The following LAPTM4B variants were observed in gnomAD, a reference collection of about 807,000 sequenced individuals.
LAPTM4B encodes the protein lysosomal protein transmembrane 4 beta.
LAPTM4B carries 26 observed loss-of-function variants against 28.5 expected under a neutral mutation model. That is an observed-to-expected ratio of 0.91 (90% CI 0.67 to 1.27). LAPTM4B has a LOEUF of 1.27. Ranked by LOEUF, LAPTM4B falls within the 50% of genes most tolerant of loss-of-function variation. LAPTM4B has a pLI of 0.00. For missense variants in LAPTM4B, 288 were observed against 285.8 expected, an observed-to-expected ratio of 1.01 and a Z score of -0.06; for synonymous variants, 109 against 106.4, an observed-to-expected ratio of 1.02 and a Z score of -0.15.
At chr8:97,819,093 C>G (rs1229206673) in intron 4 of LAPTM4B, 47 bp from the exon 5 acceptor site, 2 of 1,157,314 alleles carry the variant, frequency 1.7e-6, no homozygotes, top group Non-Finnish European at 1.3e-6. Flanking sequence ...GGAATACTGT[C>G]TGGAATGATT....
Position 97,805,422 on chromosome 8 carries a change from A to G in LAPTM4B, c.169A>G (p.Ser57Gly). 4 of 1,611,514 alleles carry G rather than the reference A, an allele frequency of 2.5e-6. No homozygotes were observed. Among genetic ancestry groups the G allele is most frequent in the East Asian group, 2.2e-5 (1 of 44,798 alleles). The change falls in exon 2 of 7, where the codon AGT becomes GGT. Residue 57 changes from serine (S) to glycine (G), a missense_variant. Physicochemically the swap from Ser to Gly is moderately conservative, Grantham distance 56. Coordinates refer to ENST00000521545, the MANE Select transcript of LAPTM4B (RefSeq NM_018407.6). ...TGATCCGGATCAGTATAACTTTTCA[A>G]GTTCTGAACTGGGAGGTGACTTTGA... ...LADPDQYNFSSSELGGDFEFM... is the reference protein window; with the variant it reads ...LADPDQYNFSGSELGGDFEFM...
At chr8:97,804,508 G>A (rs1183055779) in intron 1 of LAPTM4B, among the ~76,000 whole-genome samples, 1 of 152,144 alleles carries the variant, frequency 6.6e-6, no homozygotes, top group African/African-American at 2.4e-5. Flanking sequence ...GTAGTTGTTT[G>A]TTCCTGGGCA....
At position 97,812,219 on chromosome 8, in the gene LAPTM4B, TG is replaced by T. The variant is rs1238108847; in HGVS notation, c.212-3108del. ...AATTAATTATTTGTTTTTTTTTTGT[TG>T]TTTTTTGTTTTTTTTTTGAGTCGGA... On this transcript the variant is annotated intron_variant, in intron 2 of 6. Transcript: ENST00000521545. 5.0e-3 allele frequency among the ~76,000 whole-genome samples: 231 copies of T among 46,072 alleles called. 8 individuals carry two copies. The highest frequency in any genetic ancestry group is 0.013 in the Non-Finnish European group (124 of 9,696). The allele number at this position is 46,072 out of a possible 152,430, so 30.2% of individuals were successfully genotyped here.
Position 97,775,937 on chromosome 8 carries a change from C to CTGCGGGCTCCAGGCGA in LAPTM4B, c.-73_-72insTGCGGGCTCCAGGCGA. 1 of 1,451,680 alleles carries CTGCGGGCTCCAGGCGA rather than the reference C, an allele frequency of 6.9e-7. No individual in the cohort carries two copies. 89.9% of individuals were successfully genotyped at this position (1,451,680 alleles called of 1,614,324 possible). ...GGCGGAGGAGCCGGCAGCAGCGGCG[C>CTGCGGGCTCCAGGCGA]GGCGGGCTCCAGGCGAGGCGGTCGA... is the stretch of plus-strand genomic sequence containing the variant. On this transcript the variant is annotated 5_prime_UTR_variant, in exon 1 of 7. Transcript: ENST00000521545.
At position 97,836,210 on chromosome 8, in the gene LAPTM4B, T is replaced by C. The variant is rs1817258120; in HGVS notation, c.603+11057T>C. On this transcript the variant is annotated intron_variant, in intron 6 of 6. Coordinates refer to ENST00000521545, the MANE Select transcript of LAPTM4B (RefSeq NM_018407.6). ...GTTTTGTTTTGTTTTGTTTTTTGAG[T>C]CTCGCTCTGTCAGGCTGGAATACAT... 1.3e-5 allele frequency among the ~76,000 whole-genome samples: 2 copies of C among 152,148 alleles called. 1 individual carries two copies. The highest frequency in any genetic ancestry group is 2.9e-5 in the Non-Finnish European group (2 of 68,036).
intron 1 of LAPTM4B, among the ~76,000 whole-genome samples, chr8:97,802,760 G>C (rs932308964): frequency 1.3e-5 from 2 of 151,998 alleles, no homozygotes; most frequent in Admixed American, 6.6e-5. Flanking sequence ...GTACAGTTCA[G>C]GTGTTTGGTT....
At chr8:97,814,973 T>C (rs554698730) in intron 2 of LAPTM4B, among the ~76,000 whole-genome samples, 4 of 152,204 alleles carry the variant, frequency 2.6e-5, no homozygotes, top group African/African-American at 9.7e-5. Context: ...ATTATAGGTG[T>C]GAGCCACCGC....
intron 5 of LAPTM4B, among the ~76,000 whole-genome samples, chr8:97,820,988 A>G (rs1298022360): frequency 1.3e-5 from 2 of 151,126 alleles, no homozygotes. Flanking sequence ...CGGCCTCCCA[A>G]AGTGCTGGAA....
chr8:97,839,288 A>ATGG (rs1817310324), intron 6 of LAPTM4B, among the ~76,000 whole-genome samples: 1 of 151,960 alleles, frequency 6.6e-6, no homozygotes. Context: ...TCCACCTCCC[A>ATGG]GTTCAAGCGA....
chr8:97,839,741 C>T (rs1817316903), intron 6 of LAPTM4B, among the ~76,000 whole-genome samples: 1 of 152,090 alleles, frequency 6.6e-6, no homozygotes, highest in African/African-American at 2.4e-5. Flanking sequence ...CGTTGTGAAC[C>T]ATTTTACTAT....
chr8:97,810,604 A>T (rs1586330854), intron 2 of LAPTM4B, among the ~76,000 whole-genome samples: 1 of 152,266 alleles, frequency 6.6e-6, no homozygotes, highest in Non-Finnish European at 1.5e-5. Flanking sequence ...TTTGAAAAGC[A>T]TGTATGTGTG....
intron 1 of LAPTM4B, among the ~76,000 whole-genome samples, chr8:97,800,565 C>T (rs1468910284): frequency 7.2e-6 from 1 of 138,922 alleles, no homozygotes; most frequent in African/African-American, 2.8e-5. Context: ...GATGCAATCT[C>T]GGCTCACGGT....
At chr8:97,806,858 G>A (rs1872013) in intron 2 of LAPTM4B, among the ~76,000 whole-genome samples, 4,883 of 152,262 alleles carry the variant, frequency 0.032, 121 homozygotes, top group Non-Finnish European at 0.05. Flanking sequence ...TTGGGAGGCT[G>A]AGGCAGGAGA....
intron 1 of LAPTM4B, among the ~76,000 whole-genome samples, chr8:97,783,247 G>A (rs1237422033): frequency 6.6e-6 from 1 of 151,468 alleles, no homozygotes; most frequent in East Asian, 1.9e-4. Flanking sequence ...TTTATGACCT[G>A]GTCTTTCTTT....
intron 1 of LAPTM4B, among the ~76,000 whole-genome samples, chr8:97,778,597 G>A (rs1306157738): frequency 6.6e-6 from 1 of 152,052 alleles, no homozygotes; most frequent in African/African-American, 2.4e-5. Context: ...CAGAGCCCCC[G>A]CGTTTGTGTC....
At chr8:97,811,432 T>C (rs948603792) in intron 2 of LAPTM4B, among the ~76,000 whole-genome samples, 2 of 152,144 alleles carry the variant, frequency 1.3e-5, no homozygotes, top group Non-Finnish European at 2.9e-5. Context: ...CAATCAGAGA[T>C]GAAATGATAT....
chr8:97,829,062 C>G (rs1421678810), intron 6 of LAPTM4B, among the ~76,000 whole-genome samples: 1 of 152,066 alleles, frequency 6.6e-6, no homozygotes, highest in East Asian at 1.9e-4. Context: ...ACTGGAAATG[C>G]AGAGTAAAAA....
Position 97,776,108 on chromosome 8 carries a change from G to A in LAPTM4B, c.99G>A (p.Leu33=). ...TGTILLGVWY[L]IINAVVLLIL... ...CCATCCTGCTCGGCGTCTGGTATCT[G>A]GTGAGCGCGGCGCGCCCGGCCCGGG... is the stretch of plus-strand genomic sequence containing the variant. The change falls in exon 1 of 7, where the codon CTG becomes CTA. Residue 33 remains leucine, a splice_region_variant and synonymous_variant. Transcript: ENST00000521545. The A allele has an allele frequency of 6.4e-7, 1 of 1,570,820 alleles. No homozygotes were observed.
At chr8:97,811,174 G>A (rs1000132758) in intron 2 of LAPTM4B, among the ~76,000 whole-genome samples, 1 of 152,030 alleles carries the variant, frequency 6.6e-6, no homozygotes, top group Non-Finnish European at 1.5e-5. Flanking sequence ...TGTAAATCAC[G>A]CCAACCACTT....
Sources: gnomAD v4.1 joint callset for allele counts (sites outside exome capture counted in the v4.1 genomes callset) on GRCh38, gnomAD v4.1.1 for gene constraint, MANE v1.5 for transcripts, NCBI Gene and HGNC (gene_info 2026-07-23, HGNC 2026-07-21) for gene names.